Variants in DLG2 observed in about 807,000 individuals in gnomAD.
The protein encoded by DLG2 is disks large homolog 2.
Under a neutral mutation model 132.5 loss-of-function variants are expected in DLG2, and 45 were observed. The observed-to-expected ratio is 0.34, with a 90% CI of 0.27 to 0.44. The LOEUF (loss-of-function observed/expected upper bound fraction) is 0.44, where lower values mean the gene tolerates loss of function less well. DLG2 is among the 20% of genes least tolerant of loss of function. DLG2 has a pLI of 1.00. For synonymous variants in DLG2, 424 were observed against 419.6 expected (o/e 1.01, Z -0.13); for missense variants, 1,045 against 1,196.9 (o/e 0.87, Z 1.87).
At chr11:84,349,483 T>A (rs930918183) in intron 7 of DLG2, among the ~76,000 whole-genome samples, 1 of 142,382 alleles carries the variant, frequency 7.0e-6, no homozygotes, top group African/African-American at 2.9e-5. Context: ...TAGTAAAATA[T>A]CACTGCTTAA....
At chr11:85,166,733 T>C (rs1015790968) in intron 4 of DLG2, among the ~76,000 whole-genome samples, 1 of 152,188 alleles carries the variant, frequency 6.6e-6, no homozygotes, top group Non-Finnish European at 1.5e-5. Flanking sequence ...ACAGTAAGTT[T>C]ATTACCATCT....
intron 7 of DLG2, among the ~76,000 whole-genome samples, chr11:84,445,269 T>C (rs2099030131): frequency 6.6e-6 from 1 of 152,226 alleles, no homozygotes; most frequent in African/African-American, 2.4e-5. Flanking sequence ...TCTTTCTGGA[T>C]TAAATTTTCT....
At chr11:83,917,138 A>G (rs2077045228) in intron 15 of DLG2, among the ~76,000 whole-genome samples, 1 of 152,064 alleles carries the variant, frequency 6.6e-6, no homozygotes, top group African/African-American at 2.4e-5. Context: ...GAGAAAGGCA[A>G]TGACAATTAC....
chr11:85,419,226 T>G (rs544341346), intron 3 of DLG2, among the ~76,000 whole-genome samples: 1 of 152,188 alleles, frequency 6.6e-6, no homozygotes, highest in Non-Finnish European at 1.5e-5. Flanking sequence ...AAAATTATTT[T>G]CTTTAAGAGT....
At chr11:83,889,966 G>C (rs1400203809) in intron 15 of DLG2, among the ~76,000 whole-genome samples, 1 of 118,664 alleles carries the variant, frequency 8.4e-6, no homozygotes, top group Non-Finnish European at 1.7e-5. Flanking sequence ...GTTGTGGGGT[G>C]GGGGGAGGGG....
chr11:85,040,285 G>A (rs1023078580), intron 6 of DLG2, among the ~76,000 whole-genome samples: 3 of 151,816 alleles, frequency 2.0e-5, no homozygotes, highest in Middle Eastern at 3.2e-3. Context: ...ACACAACGAA[G>A]TAATCCAAAC....
intron 19 of DLG2, among the ~76,000 whole-genome samples, chr11:83,602,149 G>A (rs555699112): frequency 1.2e-4 from 18 of 152,322 alleles, no homozygotes; most frequent in African/African-American, 3.1e-4. Context: ...TTCTGGAAAT[G>A]AGCGAGTCTT....
chr11:83,854,633 AC>A (rs1202804693), intron 16 of DLG2, among the ~76,000 whole-genome samples: 1 of 152,060 alleles, frequency 6.6e-6, no homozygotes, highest in Non-Finnish European at 1.5e-5. Context: ...AAAACACAAA[AC>A]TATAAACTCC....
chr11:85,467,472 G>A (rs886888524), intron 3 of DLG2, among the ~76,000 whole-genome samples: 1 of 152,160 alleles, frequency 6.6e-6, no homozygotes, highest in Non-Finnish European at 1.5e-5. Context: ...TTATTATTTT[G>A]AGATATGTCC....
At chr11:83,500,334 G>A in intron 21 of DLG2, among the ~76,000 whole-genome samples, 1 of 152,062 alleles carries the variant, frequency 6.6e-6, no homozygotes. Context: ...TGAACACAGG[G>A]CTTTGGCAGA....
chr11:84,271,076 G>A (rs546152475), intron 7 of DLG2, among the ~76,000 whole-genome samples: 1 of 152,144 alleles, frequency 6.6e-6, no homozygotes, highest in South Asian at 2.1e-4. Flanking sequence ...TACCTTTTCT[G>A]CTGACAAAAA....
rs190344272 is a variant in DLG2 at position 85,142,548 on chromosome 11, C to G, written c.282+12008G>C. Among the ~76,000 whole-genome samples the G allele has an allele frequency of 2.0e-3, 304 of 151,588 alleles. 1 individual carries two copies. Among genetic ancestry groups the G allele is most frequent in the African/African-American group, 7.1e-3 (296 of 41,476 alleles). ...ACTTCTTTCATTCCAATTTGGATGC[C>G]CTTTATTATTTCTCTCATTTAATTA... On this transcript the variant is annotated intron_variant, in intron 5 of 27. Coordinates refer to ENST00000376104, the MANE Select transcript of DLG2 (RefSeq NM_001142699.3).
intron 4 of DLG2, among the ~76,000 whole-genome samples, chr11:85,256,843 A>G (rs1218443797): frequency 6.6e-6 from 1 of 152,260 alleles, no homozygotes; most frequent in East Asian, 1.9e-4. Flanking sequence ...TTTCGATACT[A>G]TTATTTGCAA....
chr11:85,113,486 T>C (rs566525263), intron 5 of DLG2, among the ~76,000 whole-genome samples: 1 of 152,172 alleles, frequency 6.6e-6, no homozygotes, highest in South Asian at 2.1e-4. Flanking sequence ...CACTAAGATC[T>C]TCTCGTACGT....
intron 3 of DLG2, among the ~76,000 whole-genome samples, chr11:85,495,980 A>G (rs1024846865): frequency 3.9e-5 from 6 of 152,148 alleles, no homozygotes; most frequent in African/African-American, 1.2e-4. Context: ...TCCCAGTGAG[A>G]TCGACGCAGA....
intron 12 of DLG2, among the ~76,000 whole-genome samples, chr11:83,976,625 T>C (rs2092264773): frequency 6.6e-6 from 1 of 151,964 alleles, no homozygotes; most frequent in African/African-American, 2.4e-5. Context: ...TTTTCAGGGT[T>C]ATTTTGCTTG....
intron 6 of DLG2, among the ~76,000 whole-genome samples, chr11:84,730,454 G>T (rs2063023382): frequency 6.6e-6 from 1 of 151,952 alleles, no homozygotes; most frequent in Non-Finnish European, 1.5e-5. Flanking sequence ...AGCTAGCCAA[G>T]AAACTTATTT....
intron 3 of DLG2, among the ~76,000 whole-genome samples, chr11:85,469,095 G>C (rs918726062): frequency 1.6e-4 from 24 of 152,176 alleles, no homozygotes; most frequent in Non-Finnish European, 8.8e-5. Context: ...GGCAAGTCAA[G>C]AACCATGAAA....
chr11:83,644,279 C>T (rs866351459), intron 18 of DLG2, among the ~76,000 whole-genome samples: 2 of 152,090 alleles, frequency 1.3e-5, no homozygotes, highest in East Asian at 1.9e-4. Flanking sequence ...GGCCATCTCT[C>T]CCTCTTCCTG....
Sources: gnomAD v4.1 joint callset for allele counts (sites outside exome capture counted in the v4.1 genomes callset) on GRCh38, gnomAD v4.1.1 for gene constraint, MANE v1.5 for transcripts, NCBI Gene and HGNC (gene_info 2026-07-23, HGNC 2026-07-21) for gene names.